Variants in COL4A5 observed in about 807,000 individuals in gnomAD.
The protein encoded by COL4A5 is collagen type IV alpha 5 chain.
COL4A5 carries 26 observed loss-of-function variants against 130.2 expected under a neutral mutation model. That is an observed-to-expected ratio of 0.20 (90% CI 0.15 to 0.28). The LOEUF is 0.28. Among genes scored for constraint, COL4A5 ranks in the 10% least tolerant of loss-of-function variants. The pLI, the probability that COL4A5 is intolerant of heterozygous loss-of-function variation, is 1.00. For missense variants in COL4A5, 1,131 were observed against 1,344.3 expected, an observed-to-expected ratio of 0.84 and a Z score of 2.48; for synonymous variants, 496 against 439.6, an observed-to-expected ratio of 1.13 and a Z score of -1.60.
chrX:108,606,840 A>T lies in COL4A5; in HGVS notation c.2343A>T (p.Gly781=). 1 of 1,210,845 alleles carries T rather than the reference A, an allele frequency of 8.3e-7. No individual in the cohort carries two copies. Among genetic ancestry groups the T allele is most frequent in the East Asian group, 3.0e-5 (1 of 33,796 alleles). ...LGPKGDRGFP[G]PPGPPGRTGL... ...CAAAAGGTGATCGTGGTTTCCCAGG[A>T]CCTCCGGGTCCTCCAGGACGCACTG... Residue 781 remains glycine (G), a synonymous_variant, in exon 29 of 53, where the codon GGA becomes GGT. Transcript: ENST00000328300.
chrX:108,607,945 C>T (rs1177329606), intron 29 of COL4A5, among the ~76,000 whole-genome samples: 2 of 111,456 alleles, frequency 1.8e-5, no homozygotes, highest in East Asian at 2.8e-4. Context: ...TGTTAAATTG[C>T]GTGGATATAC....
intron 31 of COL4A5, among the ~76,000 whole-genome samples, chrX:108,621,335 T>A (rs2067046611): frequency 9.2e-6 from 1 of 108,873 alleles, no homozygotes; most frequent in Non-Finnish European, 1.9e-5. Flanking sequence ...TTTTTTTTTC[T>A]TTTTTTCTTT....
chrX:108,460,656 ATTTTTTTTT>A (rs751991149), intron 1 of COL4A5, among the ~76,000 whole-genome samples: 1 of 39,446 alleles, frequency 2.5e-5, no homozygotes, highest in Non-Finnish European at 4.5e-5. Context: ...CGCCTGGCAA[ATTTTTTTTT>A]TTTTTTTTTT....
At chrX:108,482,230 T>G (rs745882292) in intron 1 of COL4A5, among the ~76,000 whole-genome samples, 1 of 111,456 alleles carries the variant, frequency 9.0e-6, no homozygotes, top group Non-Finnish European at 1.9e-5. Flanking sequence ...ACTAAAACAG[T>G]TCTTTTCTAG....
At position 108,473,633 on chromosome X, in the gene COL4A5, A is replaced by ATATATTTTTTTTTT; in HGVS notation, c.81+33428_81+33429insATATTTTTTTTTTT. The stretch of plus-strand genomic sequence containing the variant: ...TATATGTATATATATATATATATAT[A>ATATATTTTTTTTTT]TTTTTTTTTTTTTGAGATGAAGTCT... On this transcript the variant is annotated intron_variant, in intron 1 of 52. Transcript: ENST00000328300. 2.9e-4 allele frequency among the ~76,000 whole-genome samples: 10 copies of ATATATTTTTTTTTT among 34,562 alleles called. 1 individual carries two copies. The highest frequency in any genetic ancestry group is 9.7e-4 in the African/African-American group (9 of 9,275). 30.0% of individuals were successfully genotyped at this position (34,562 alleles called of 115,157 possible).
intron 1 of COL4A5, among the ~76,000 whole-genome samples, chrX:108,448,170 C>G (rs1324291871): frequency 8.9e-6 from 1 of 112,002 alleles, no homozygotes; most frequent in East Asian, 2.8e-4. Context: ...TAAAGACAGT[C>G]AAAGGCAAAT....
At chrX:108,495,814 C>A (rs987276342) in intron 1 of COL4A5, among the ~76,000 whole-genome samples, 1 of 112,160 alleles carries the variant, frequency 8.9e-6, no homozygotes, top group African/African-American at 3.2e-5. Flanking sequence ...GCCATGATGG[C>A]AGGGATGGAA....
intron 36 of COL4A5, among the ~76,000 whole-genome samples, chrX:108,639,302 G>T (rs1049942330): frequency 1.8e-5 from 2 of 111,090 alleles, no homozygotes; most frequent in African/African-American, 6.5e-5. Context: ...TTCAACAAAT[G>T]CATGCTGGGT....
chrX:108,663,536 A>G (rs1053097965), intron 37 of COL4A5, among the ~76,000 whole-genome samples: 10 of 111,276 alleles, frequency 9.0e-5, no homozygotes, highest in Middle Eastern at 4.7e-3. Context: ...ATGAGAATAC[A>G]TGGACACAGG....
intron 30 of COL4A5, among the ~76,000 whole-genome samples, chrX:108,615,249 A>G (rs112233238): frequency 2.7e-5 from 3 of 112,009 alleles, no homozygotes; most frequent in Middle Eastern, 4.7e-3. Context: ...TGTATTTCCA[A>G]TAATACAATT....
chrX:108,591,830 C>G (rs1460533276), intron 21 of COL4A5, among the ~76,000 whole-genome samples, 186 bp downstream of exon 21: 2 of 111,258 alleles, frequency 1.8e-5, no homozygotes, highest in Non-Finnish European at 3.8e-5. Context: ...TTGGATCGCT[C>G]TCTTCTTTCT....
Position 108,560,899 on chromosome X carries a change from A to C in COL4A5, c.231+1746A>C, listed in dbSNP as rs2065890479. On this transcript the variant is annotated intron_variant, in intron 3 of 52. Transcript: ENST00000328300. The stretch of plus-strand genomic sequence containing the variant: ...TTGTGTAAGGTGGAGGCAGAAATAG[A>C]GAAATAAATTGCCACCACCATCGAG... Among the ~76,000 whole-genome samples the C allele has an allele frequency of 3.6e-5, 4 of 111,707 alleles. No individual in the cohort carries two copies. The Admixed American group carries it at 3.8e-4, about 11-fold the overall frequency.
intron 1 of COL4A5, among the ~76,000 whole-genome samples, chrX:108,493,435 T>C (rs2065008910): frequency 1.8e-5 from 2 of 112,008 alleles, no homozygotes; most frequent in South Asian, 7.3e-4. Context: ...TTAGGAAATA[T>C]ACTGGGACAG....
At chrX:108,553,663 C>T (rs1384904943) in intron 2 of COL4A5, among the ~76,000 whole-genome samples, 1 of 111,985 alleles carries the variant, frequency 8.9e-6, no homozygotes, top group Admixed American at 9.5e-5. Flanking sequence ...AAATGATCTA[C>T]ACAGTTTGGC....
chrX:108,637,741 G>T (rs1749752309), intron 36 of COL4A5, among the ~76,000 whole-genome samples: 1 of 111,709 alleles, frequency 9.0e-6, no homozygotes, highest in Non-Finnish European at 1.9e-5. Context: ...AATCATAGAA[G>T]TAGATTATAT....
At chrX:108,451,913 C>G (rs1189857553) in intron 1 of COL4A5, among the ~76,000 whole-genome samples, 3 of 110,931 alleles carry the variant, frequency 2.7e-5, no homozygotes, top group Non-Finnish European at 5.7e-5. Context: ...GACATGAAGT[C>G]CTTGCCAATG....
chrX:108,518,401 T>TA (rs1185177705), intron 1 of COL4A5, among the ~76,000 whole-genome samples: 1 of 111,281 alleles, frequency 9.0e-6, no homozygotes, highest in Non-Finnish European at 1.9e-5. Context: ...AAACTACTGG[T>TA]AAAGAAGCAA....
intron 29 of COL4A5, among the ~76,000 whole-genome samples, chrX:108,613,818 A>T (rs1218428783): frequency 8.9e-6 from 1 of 111,785 alleles, no homozygotes; most frequent in Non-Finnish European, 1.9e-5. Context: ...AGTAACTCGA[A>T]CTCTCATACA....
intron 3 of COL4A5, among the ~76,000 whole-genome samples, chrX:108,563,210 T>G (rs2065921027): frequency 9.0e-6 from 1 of 111,605 alleles, no homozygotes; most frequent in Non-Finnish European, 1.9e-5. Context: ...AATTAGGTTT[T>G]TTAATTCTAT....
Sources: allele counts gnomAD v4.1 joint callset (sites outside exome capture counted in the v4.1 genomes callset), GRCh38; gene constraint gnomAD v4.1.1; transcripts MANE v1.5; gene names NCBI Gene and HGNC (gene_info 2026-07-23, HGNC 2026-07-21).